CEP192: variants seen among roughly 807,000 people sequenced by gnomAD.
CEP192 encodes centrosomal protein 192, also known as centrosomal protein of 192 kDa.
In CEP192, 151 loss-of-function variants were observed where a neutral mutation model predicts 271.8. The observed-to-expected ratio is 0.56, with a 90% CI of 0.49 to 0.64. The LOEUF (loss-of-function observed/expected upper bound fraction) is 0.64, where lower values mean the gene tolerates loss of function less well. CEP192 is among the 30% of genes least tolerant of loss of function. The probability of loss-of-function intolerance (pLI) is 0.00; values close to 1 mark genes in which losing one functional copy is unlikely to be tolerated. For missense variants in CEP192, 2,910 were observed against 3,020.5 expected (o/e 0.96, Z 0.86); for synonymous variants, 995 against 1,076.5 (o/e 0.92, Z 1.48).
intron 13 of CEP192, among the ~76,000 whole-genome samples, chr18:13,039,883 A>G (rs1237691200): frequency 2.0e-5 from 3 of 152,210 alleles, no homozygotes; most frequent in Admixed American, 1.3e-4. Context: ...AAGGCTGGGG[A>G]CAAGGATGAC....
Position 13,042,313 on chromosome 18 carries a change from G to T in CEP192, c.2046G>T (p.Thr682=). 2.5e-6 allele frequency: 4 copies of T among 1,613,936 alleles called. No homozygotes were observed. The highest frequency in any genetic ancestry group is 3.4e-6 in the Non-Finnish European group (4 of 1,179,918). The change falls in exon 15 of 45, where the codon ACG becomes ACT. Residue 682 remains threonine (T), a synonymous_variant. Coordinates refer to ENST00000506447, the MANE Select transcript of CEP192 (RefSeq NM_032142.4). ...SQVDENDVTL[T]ADKGKTEDTF... ...TGGATGAAAATGATGTGACGTTAAC[G>T]GCTGATAAAGGCAAAACAGAGGTAG...
intron 9 of CEP192, 133 bp from the exon 10 acceptor site, chr18:13,029,530 C>T: frequency 3.2e-6 from 2 of 622,442 alleles, no homozygotes; most frequent in South Asian, 2.4e-5. Context: ...ACAGCGAATA[C>T]TGTGTGTTCT....
chr18:13,093,688 T>C (rs1325483616), intron 34 of CEP192, among the ~76,000 whole-genome samples: 1 of 152,240 alleles, frequency 6.6e-6, no homozygotes, highest in Non-Finnish European at 1.5e-5. Context: ...AATGAAGAGC[T>C]ATATTGAGCA....
intron 11 of CEP192, among the ~76,000 whole-genome samples, chr18:13,031,483 G>A (rs1466903063): frequency 3.3e-5 from 5 of 151,958 alleles, no homozygotes; most frequent in African/African-American, 4.8e-5. Flanking sequence ...TCCTGACCTC[G>A]TGATCTGCCC....
chr18:13,020,101 A>G (rs574820333), intron 9 of CEP192, among the ~76,000 whole-genome samples: 1 of 152,186 alleles, frequency 6.6e-6, no homozygotes, highest in Non-Finnish European at 1.5e-5. Flanking sequence ...GTGAGCCACC[A>G]CACCCAGCTA....
At position 13,038,372 on chromosome 18, in the gene CEP192, A is replaced by G. The variant is rs1210598674; in HGVS notation, c.1602A>G (p.Glu534=). 1 of 1,550,774 alleles carries G rather than the reference A, an allele frequency of 6.4e-7. No homozygotes were observed. Among genetic ancestry groups the G allele is most frequent in the Non-Finnish European group, 8.7e-7 (1 of 1,146,156 alleles). The change falls in exon 13 of 45, where the codon GAA becomes GAG. Residue 534 remains glutamate (E), a splice_region_variant and synonymous_variant. Transcript: ENST00000506447. ...CGAAACAATAACTTTCTCCCTAGGA[A>G]GAAAACATAGATGCTCATAATACTT... The part of the protein sequence containing the change: ...EFNKEHQFIQ[E]ENIDAHNTSV...
chr18:13,038,326 T>A, intron 12 of CEP192, 44 bp from the exon 13 acceptor site: 1 of 1,453,786 alleles, frequency 6.9e-7, no homozygotes, highest in Non-Finnish European at 9.4e-7. Context: ...AACAGAAAAG[T>A]GACTTGCTGG....
chr18:13,063,313 A>G (rs1168962046), intron 21 of CEP192, among the ~76,000 whole-genome samples: 1 of 152,214 alleles, frequency 6.6e-6, no homozygotes, highest in African/African-American at 2.4e-5. Context: ...TAGTGGTTGT[A>G]CTAATTCACA....
chr18:13,093,841 C>T (rs1441134464), intron 34 of CEP192, among the ~76,000 whole-genome samples: 1 of 152,202 alleles, frequency 6.6e-6, no homozygotes, highest in East Asian at 1.9e-4. Flanking sequence ...AAAAAGCATT[C>T]CATAGATAAG....
In CEP192 at chr18:13,049,021, A is replaced by G. The variant is rs147329130; in HGVS notation, c.2230A>G (p.Lys744Glu). ...LAAMIKALSN[K>E]TRDKTFQEDE... ...TGCAATGATCAAGGCACTTTCAAAT[A>G]AAACCAGAGACAAGACTTTTCAGGA... is the stretch of plus-strand genomic sequence containing the variant. Residue 744 changes from lysine to glutamate, a missense_variant, in exon 16 of 45, where the codon AAA becomes GAA. Lys to Glu is a moderately conservative substitution (Grantham distance 56, BLOSUM62 1). Transcript: ENST00000506447. 1,151 of 1,614,060 alleles carry G rather than the reference A, an allele frequency of 7.1e-4. 2 individuals are homozygous for G. Among genetic ancestry groups the G allele is most frequent in the Non-Finnish European group, 8.2e-4 (969 of 1,180,026 alleles).
intron 6 of CEP192, 85 bp downstream of exon 6, chr18:13,015,533 C>G: frequency 1.4e-6 from 2 of 1,430,132 alleles, no homozygotes; most frequent in Non-Finnish European, 1.9e-6. Flanking sequence ...ATGATGCCAA[C>G]TTTTTGGGTT....
chr18:13,085,053 C>T (rs1351465445), intron 30 of CEP192, among the ~76,000 whole-genome samples: 12 of 151,782 alleles, frequency 7.9e-5, no homozygotes, highest in Non-Finnish European at 1.5e-4. Context: ...TCTTGATCTC[C>T]TGATCTCGTG....
At chr18:13,084,788 A>G (rs1208712472) in intron 30 of CEP192, among the ~76,000 whole-genome samples, 3 of 151,560 alleles carry the variant, frequency 2.0e-5, no homozygotes, top group Non-Finnish European at 4.4e-5. Flanking sequence ...ATTCTCACGC[A>G]TGAGATGGTA....
intron 3 of CEP192, among the ~76,000 whole-genome samples, chr18:13,005,281 A>G (rs1445244786): frequency 1.3e-5 from 2 of 152,162 alleles, no homozygotes; most frequent in African/African-American, 4.8e-5. Flanking sequence ...GGAATGGCAG[A>G]TCTTGTCAAC....
chr18:13,069,921 G>C lies in CEP192; in HGVS notation c.5174+65G>C, dbSNP rs1598506077. The C allele has an allele frequency of 7.2e-6, 7 of 968,198 alleles. No homozygotes were observed. The East Asian group carries it at 1.8e-4, about 25-fold the overall frequency. The allele number at this position is 968,198 out of a possible 1,614,324, so 60.0% of individuals were successfully genotyped here. On this transcript the variant is annotated intron_variant, in intron 27 of 44. Transcript: ENST00000506447. The stretch of plus-strand genomic sequence containing the variant: ...CATGCCTGTAATCCCAGCACTTTGG[G>C]AGGCCGAGGTGGGTGGATTACCTGA...
chr18:13,067,747 C>A, intron 21 of CEP192, 84 bp from the exon 22 acceptor site: 2 of 1,154,412 alleles, frequency 1.7e-6, no homozygotes, highest in Non-Finnish European at 2.5e-6. Flanking sequence ...TAATTTGTGG[C>A]TAGAAATGGC....
At chr18:13,060,335 A>G (rs1424398113) in intron 21 of CEP192, among the ~76,000 whole-genome samples, 1 of 152,210 alleles carries the variant, frequency 6.6e-6, no homozygotes, top group Non-Finnish European at 1.5e-5. Flanking sequence ...ATACATTATA[A>G]AAGATTTAAA....
intron 9 of CEP192, among the ~76,000 whole-genome samples, chr18:13,021,430 G>A (rs1263576180): frequency 6.6e-6 from 1 of 152,168 alleles, no homozygotes; most frequent in African/African-American, 2.4e-5. Context: ...TATCATGTAT[G>A]TGAGGGTTTA....
intron 6 of CEP192, among the ~76,000 whole-genome samples, chr18:13,016,911 T>C (rs1306484623): frequency 6.6e-6 from 1 of 152,230 alleles, no homozygotes; most frequent in African/African-American, 2.4e-5. Flanking sequence ...TCTCATTGAT[T>C]TGTGATGCCA....
Sources: gnomAD v4.1 joint callset for allele counts (sites outside exome capture counted in the v4.1 genomes callset) on GRCh38, gnomAD v4.1.1 for gene constraint, MANE v1.5 for transcripts, NCBI Gene and HGNC (gene_info 2026-07-23, HGNC 2026-07-21) for gene names.